The following SAMD5 variants were observed in gnomAD, a reference collection of about 807,000 sequenced individuals.
The protein encoded by SAMD5 is sterile alpha motif domain containing 5.
In SAMD5, 13 loss-of-function variants were observed where a neutral mutation model predicts 11.3. The ratio of observed to expected loss-of-function variants is 1.15; its 90% CI spans 0.75 to 1.83. The LOEUF (loss-of-function observed/expected upper bound fraction) is 1.83, where lower values mean the gene tolerates loss of function less well. Ranked by LOEUF, SAMD5 falls within the 40% of genes most tolerant of loss-of-function variation. The probability of loss-of-function intolerance (pLI) is 0.00; values close to 1 mark genes in which losing one functional copy is unlikely to be tolerated. For missense variants in SAMD5, 255 were observed against 239.1 expected, an observed-to-expected ratio of 1.07 and a Z score of -0.44; for synonymous variants, 129 against 111.3, an observed-to-expected ratio of 1.16 and a Z score of -1.00.
intron 1 of SAMD5, among the ~76,000 whole-genome samples, chr6:147,675,628 G>A (rs1054397693): frequency 5.3e-5 from 8 of 152,128 alleles, no homozygotes; most frequent in Non-Finnish European, 1.0e-4. Context: ...TAATTGAAAC[G>A]TATACATGGT....
chr6:147,824,164 G>T, the SAMD5 span, among the ~76,000 whole-genome samples: 2 of 152,152 alleles, frequency 1.3e-5, no homozygotes, highest in African/African-American at 4.8e-5. Flanking sequence ...TAGTCTGCCA[G>T]CTTTTAAATT....
At chr6:147,847,203 A>G in the SAMD5 span, among the ~76,000 whole-genome samples, 1 of 151,860 alleles carries the variant, frequency 6.6e-6, no homozygotes, top group Non-Finnish European at 1.5e-5. Context: ...TTAAGGAAAA[A>G]TCTCCCAGTT....
chr6:147,607,497 A>T (rs944873247), intron 1 of SAMD5, among the ~76,000 whole-genome samples: 1 of 152,200 alleles, frequency 6.6e-6, no homozygotes, highest in Non-Finnish European at 1.5e-5. Context: ...GACCAATGGG[A>T]CAGAATGGAG....
intron 1 of SAMD5, among the ~76,000 whole-genome samples, chr6:147,616,662 C>T (rs891282025): frequency 2.6e-5 from 4 of 151,940 alleles, no homozygotes; most frequent in African/African-American, 9.7e-5. Context: ...AAAGAAATAC[C>T]CGAGACTGAG....
At chr6:147,701,964 T>C (rs1371510076) in intron 1 of SAMD5, among the ~76,000 whole-genome samples, 3 of 152,126 alleles carry the variant, frequency 2.0e-5, no homozygotes, top group Non-Finnish European at 4.4e-5. Flanking sequence ...GACTAAAGAA[T>C]TGGAAACGGG....
intron 1 of SAMD5, among the ~76,000 whole-genome samples, chr6:147,627,239 T>A (rs1347416206): frequency 6.6e-6 from 1 of 152,194 alleles, no homozygotes; most frequent in East Asian, 1.9e-4. Context: ...CCTGGTAAAC[T>A]GATTACAAAT....
the SAMD5 span, among the ~76,000 whole-genome samples, chr6:147,951,194 T>TTC: frequency 3.3e-5 from 5 of 151,820 alleles, no homozygotes; most frequent in South Asian, 2.1e-4. Flanking sequence ...TCTTTCTTTT[T>TTC]TTTTTTATGA....
chr6:147,583,543 CA>C (rs1399869039), intron 1 of SAMD5, among the ~76,000 whole-genome samples: 1 of 152,166 alleles, frequency 6.6e-6, no homozygotes, highest in Non-Finnish European at 1.5e-5. Context: ...CTGACACACA[CA>C]ATCCATATAT....
chr6:147,920,312 G>A, the SAMD5 span, among the ~76,000 whole-genome samples: 1 of 152,140 alleles, frequency 6.6e-6, no homozygotes, highest in African/African-American at 2.4e-5. Context: ...GATGCTTCCT[G>A]TTCTCAAACA....
the SAMD5 span, among the ~76,000 whole-genome samples, chr6:147,879,121 A>G: frequency 1.3e-5 from 2 of 152,338 alleles, no homozygotes; most frequent in African/African-American, 4.8e-5. Flanking sequence ...ATTGCAGATC[A>G]ACAAAGAATG....
At chr6:147,783,922 C>T in the SAMD5 span, among the ~76,000 whole-genome samples, 4 of 152,094 alleles carry the variant, frequency 2.6e-5, no homozygotes, top group African/African-American at 9.7e-5. Context: ...AATTCTCCTT[C>T]GAGTCTTCTG....
the SAMD5 span, among the ~76,000 whole-genome samples, chr6:147,908,354 G>C: frequency 6.6e-6 from 1 of 152,156 alleles, no homozygotes; most frequent in Non-Finnish European, 1.5e-5. Flanking sequence ...GTTTGTGTGT[G>C]GATGCAGGGC....
intron 1 of SAMD5, among the ~76,000 whole-genome samples, chr6:147,659,189 T>C (rs1419824119): frequency 6.6e-6 from 1 of 152,188 alleles, no homozygotes; most frequent in Non-Finnish European, 1.5e-5. Context: ...AATAGGTTAA[T>C]AGGTATTCTT....
At chr6:147,800,372 A>C in the SAMD5 span, among the ~76,000 whole-genome samples, 1 of 152,140 alleles carries the variant, frequency 6.6e-6, no homozygotes, top group Non-Finnish European at 1.5e-5. Context: ...CCTCCCAGTT[A>C]GTCTGCTTGG....
At chr6:147,787,948 A>G in the SAMD5 span, among the ~76,000 whole-genome samples, 13 of 152,148 alleles carry the variant, frequency 8.5e-5, no homozygotes, top group Non-Finnish European at 2.9e-5. Context: ...GTCAAAGGAG[A>G]ACATATTTGG....
the SAMD5 span, among the ~76,000 whole-genome samples, chr6:147,940,202 A>ATTTTTTTTTT: frequency 7.5e-6 from 1 of 133,170 alleles, no homozygotes. Context: ...GGCAGAATTC[A>ATTTTTTTTTT]TTTTTTTTTT....
chr6:147,680,012 A>G (rs1421276948), intron 1 of SAMD5, among the ~76,000 whole-genome samples: 1 of 151,912 alleles, frequency 6.6e-6, no homozygotes, highest in Non-Finnish European at 1.5e-5. Context: ...CAGATTTATA[A>G]TAAGTCTTGA....
chr6:147,541,518 A>C (rs181759366), intron 1 of SAMD5, among the ~76,000 whole-genome samples: 82 of 152,282 alleles, frequency 5.4e-4, no homozygotes, highest in Non-Finnish European at 7.8e-4. Context: ...ACGGTAATTC[A>C]CAATGGGGTC....
At chr6:147,649,058 G>A (rs1329810221) in intron 1 of SAMD5, among the ~76,000 whole-genome samples, 2 of 152,146 alleles carry the variant, frequency 1.3e-5, no homozygotes, top group Non-Finnish European at 1.5e-5. Context: ...CAATGTTTAT[G>A]TTCCATGTAA....
Sources: allele counts gnomAD v4.1 joint callset (sites outside exome capture counted in the v4.1 genomes callset), GRCh38; gene constraint gnomAD v4.1.1; transcripts MANE v1.5; gene names NCBI Gene and HGNC (gene_info 2026-07-23, HGNC 2026-07-21).